The following BEND3 variants were observed in gnomAD, a reference collection of about 807,000 sequenced individuals.
BEND3 encodes BEN domain-containing protein 3.
Under a neutral mutation model 60.1 loss-of-function variants are expected in BEND3, and 13 were observed. The ratio of observed to expected loss-of-function variants is 0.22; its 90% CI spans 0.14 to 0.34. The LOEUF (loss-of-function observed/expected upper bound fraction) is 0.34, where lower values mean the gene tolerates loss of function less well. Among genes scored for constraint, BEND3 ranks in the 10% least tolerant of loss-of-function variants. The pLI, the probability that BEND3 is intolerant of heterozygous loss-of-function variation, is 1.00. For synonymous variants in BEND3, 497 were observed against 491.5 expected, an observed-to-expected ratio of 1.01 and a Z score of -0.15; for missense variants, 896 against 1,138.1, an observed-to-expected ratio of 0.79 and a Z score of 3.06.
At chr6:107,080,504 G>A (rs1381549172) in intron 3 of BEND3, among the ~76,000 whole-genome samples, 1 of 152,016 alleles carries the variant, frequency 6.6e-6, no homozygotes. Context: ...GAGGATAAGA[G>A]AATATTCACC....
At chr6:107,097,961 A>C (rs1775622622) in intron 3 of BEND3, among the ~76,000 whole-genome samples, 1 of 152,096 alleles carries the variant, frequency 6.6e-6, no homozygotes, top group South Asian at 2.1e-4. Context: ...ATAACTTCCT[A>C]ATTTGTTTGG....
In BEND3 at chr6:107,070,479, C is replaced by A. The variant is rs1301822501; in HGVS notation, c.712G>T (p.Ala238Ser). The A allele has an allele frequency of 6.2e-7, 1 of 1,614,146 alleles. No individual in the cohort carries two copies. The highest frequency in any genetic ancestry group is 1.1e-5 in the South Asian group (1 of 91,074). Residue 238 changes from alanine (A) to serine (S), a missense_variant, in exon 4 of 4, where the codon GCC (alanine) becomes TCC (serine). Physicochemically the swap from Ala to Ser is moderately conservative, Grantham distance 99 (BLOSUM62 1). Transcript: ENST00000369042. The surrounding 1 kb of genome is among the most constrained non-coding windows in gnomAD (Gnocchi z 6.9). ...KKQVSPTEMV[A>S]KFQPPPEYQL... ...TACTCAGGGGGCGGCTGGAATTTGGCCACCATCTCAGTGGGGCTCACCTGC... is the reference window on the plus strand; with the variant it reads ...TACTCAGGGGGCGGCTGGAATTTGGACACCATCTCAGTGGGGCTCACCTGC...
At chr6:107,114,877 C>T (rs1233420261) in intron 1 of BEND3, among the ~76,000 whole-genome samples, 6 of 149,244 alleles carry the variant, frequency 4.0e-5, no homozygotes, top group Non-Finnish European at 7.5e-5. Context: ...GCGGCGAGCC[C>T]GTGGGCGCCC....
At chr6:107,072,621 T>C (rs920260361) in intron 3 of BEND3, among the ~76,000 whole-genome samples, 3 of 152,164 alleles carry the variant, frequency 2.0e-5, no homozygotes, top group African/African-American at 2.4e-5. Flanking sequence ...CCAGGGGGAA[T>C]AGAAACCAAG....
At chr6:107,097,107 C>T (rs1226653711) in intron 3 of BEND3, among the ~76,000 whole-genome samples, 1 of 152,062 alleles carries the variant, frequency 6.6e-6, no homozygotes, top group Non-Finnish European at 1.5e-5. Flanking sequence ...TGGCTCACAC[C>T]TGTAATCCGA....
At chr6:107,073,888 A>G (rs1448045997) in intron 3 of BEND3, among the ~76,000 whole-genome samples, 2 of 152,128 alleles carry the variant, frequency 1.3e-5, no homozygotes, top group Admixed American at 1.3e-4. Context: ...CCTGTCTCAG[A>G]AAGAAAAAGA....
chr6:107,073,315 C>T (rs1161935517), intron 3 of BEND3, among the ~76,000 whole-genome samples: 27 of 144,412 alleles, frequency 1.9e-4, no homozygotes, highest in Non-Finnish European at 3.7e-4. Context: ...CCCCACTCCC[C>T]ACCCCTCCCC....
intron 3 of BEND3, among the ~76,000 whole-genome samples, chr6:107,084,323 T>C (rs375873533): frequency 3.9e-5 from 6 of 152,262 alleles, no homozygotes; most frequent in Non-Finnish European, 7.3e-5. Context: ...CCCCACACTT[T>C]CGTGGGTTCT....
rs1308088526 is a variant in BEND3 at position 107,115,345 on chromosome 6, C to T, written c.-267G>A. 1 of 149,098 alleles carries T rather than the reference C, an allele frequency of 6.7e-6. No homozygotes were observed. The highest frequency in any genetic ancestry group is 2.4e-5 in the African/African-American group (1 of 41,134). 9.2% of individuals were successfully genotyped at this position (149,098 alleles called of 1,614,324 possible). A position where few individuals can be genotyped will look rare whatever the true frequency, so the allele number is the denominator to read the frequency against. ...TTCCGCACAAGGACACAGGAGCCCC[C>T]GCTGCAGTGGAACCACAACCCCTCC... On this transcript the variant is annotated 5_prime_UTR_variant, in exon 1 of 4. Coordinates refer to ENST00000369042, the MANE Select transcript of BEND3 (RefSeq NM_001367314.1).
chr6:107,078,065 TG>T (rs1775136509), intron 3 of BEND3, among the ~76,000 whole-genome samples: 1 of 152,236 alleles, frequency 6.6e-6, no homozygotes, highest in South Asian at 2.1e-4. Context: ...CCACATCTGC[TG>T]TATTTGGCTA....
In BEND3 at chr6:107,099,255, C is replaced by G. The variant is rs1554236474; in HGVS notation, c.31G>C (p.Glu11Gln). The change falls in exon 2 of 4, where the codon GAA becomes CAA. Residue 11 changes from glutamate to glutamine, a missense_variant. Transcript: ENST00000369042. Reference sequence around the variant, plus strand: ...AAGGGCATTTTTTTTTTACCTTCTTCTACATCTTCGGTGAATTCAGTTGAG... The same window carrying G: ...AAGGGCATTTTTTTTTTACCTTCTTGTACATCTTCGGTGAATTCAGTTGAG... The part of the protein sequence containing the change: MNSTEFTEDV[E>Q]EVLKSITVKV... The G allele has an allele frequency of 6.2e-7, 1 of 1,609,040 alleles. No homozygotes were observed. Among genetic ancestry groups the G allele is most frequent in the Non-Finnish European group, 8.5e-7 (1 of 1,176,454 alleles).
In BEND3 at chr6:107,112,107, A is replaced by G. The variant is rs1474590298; in HGVS notation, c.-12+2983T>C. ...CGACCTTCATACTCTATGCTTCTACATTATACAATTTGAGGTCTTTAAACT... is the reference window on the plus strand; with the variant it reads ...CGACCTTCATACTCTATGCTTCTACGTTATACAATTTGAGGTCTTTAAACT... On this transcript the variant is annotated intron_variant, in intron 1 of 3. Coordinates refer to ENST00000369042, the MANE Select transcript of BEND3 (RefSeq NM_001367314.1). Among the ~76,000 whole-genome samples, 5 of 152,296 alleles carry G rather than the reference A, an allele frequency of 3.3e-5. No homozygotes were observed. The East Asian group carries it at 7.7e-4, about 23-fold the overall frequency.
At chr6:107,072,151 C>A (rs782741108) in intron 3 of BEND3, among the ~76,000 whole-genome samples, 6 of 152,266 alleles carry the variant, frequency 3.9e-5, no homozygotes, top group African/African-American at 1.4e-4. Context: ...GAGCAGGGAG[C>A]CTTTGCTCCC....
At position 107,099,236 on chromosome 6, in the gene BEND3, AT is replaced by A. The variant is rs71887608; in HGVS notation, c.37+12del. The A allele has an allele frequency of 1.9e-3, 2,809 of 1,452,106 alleles. No homozygotes were observed. The highest frequency in any genetic ancestry group is 3.4e-3 in the South Asian group (270 of 78,918). 90.0% of individuals were successfully genotyped at this position (1,452,106 alleles called of 1,614,324 possible). A position where few individuals can be genotyped will look rare whatever the true frequency, so the allele number is the denominator to read the frequency against. ...GTTAAAAACATTTTTCAAAAAGGGCATTTTTTTTTTACCTTCTTCTACATCT... is the reference window on the plus strand; with the variant it reads ...GTTAAAAACATTTTTCAAAAAGGGCATTTTTTTTTACCTTCTTCTACATCT... On this transcript the variant is annotated intron_variant, in intron 2 of 3. Coordinates refer to ENST00000369042, the MANE Select transcript of BEND3 (RefSeq NM_001367314.1).
chr6:107,084,653 C>A (rs1353036394), intron 3 of BEND3, among the ~76,000 whole-genome samples: 1 of 151,994 alleles, frequency 6.6e-6, no homozygotes, highest in Non-Finnish European at 1.5e-5. Context: ...ACTGTACACG[C>A]ACCAATCAGC....
chr6:107,071,585 C>T (rs945176380), intron 3 of BEND3, among the ~76,000 whole-genome samples: 4 of 152,252 alleles, frequency 2.6e-5, no homozygotes, highest in East Asian at 1.9e-4. Flanking sequence ...CAGAAAAAGC[C>T]GGCCCAGAAC....
At position 107,066,947 on chromosome 6, in the gene BEND3, G is replaced by A. The variant is rs1331737519; in HGVS notation, c.*1757C>T. ...CTTCAGCTTTTAGTAAGCAGTGCGT[G>A]TGTGCATGAGTAGCTGTGTAAGACA... On this transcript the variant is annotated 3_prime_UTR_variant, in exon 4 of 4. Transcript: ENST00000369042. 6.6e-6 allele frequency: 1 copy of A among 152,236 alleles called. No homozygotes were observed. The highest frequency in any genetic ancestry group is 1.5e-5 in the Non-Finnish European group (1 of 68,024). 9.4% of individuals were successfully genotyped at this position (152,236 alleles called of 1,614,324 possible). A position where few individuals can be genotyped will look rare whatever the true frequency, so the allele number is the denominator to read the frequency against.
At position 107,066,773 on chromosome 6, in the gene BEND3, T is replaced by TGTGCATGCTGTGTGC. The variant is rs1253682363; in HGVS notation, c.*1916_*1930dup. On this transcript the variant is annotated 3_prime_UTR_variant, in exon 4 of 4. Transcript: ENST00000369042. ...GCTGTCTTTGGGTAGGGTGCGTGTG[T>TGTGCATGCTGTGTGC]GTGCATGCTGTGTGCATGTGCTGGA... 3 of 152,576 alleles carry TGTGCATGCTGTGTGC rather than the reference T, an allele frequency of 2.0e-5. No homozygotes were observed. Among genetic ancestry groups the TGTGCATGCTGTGTGC allele is most frequent in the African/African-American group, 7.2e-5 (3 of 41,424 alleles). 9.5% of individuals were successfully genotyped at this position (152,576 alleles called of 1,614,324 possible).
intron 3 of BEND3, among the ~76,000 whole-genome samples, chr6:107,080,411 A>G (rs1775208002): frequency 6.6e-6 from 1 of 151,850 alleles, no homozygotes; most frequent in African/African-American, 2.4e-5. Context: ...AGAAAAGAAA[A>G]GAAAAAGAAG....
Sources: allele counts gnomAD v4.1 joint callset (sites outside exome capture counted in the v4.1 genomes callset), GRCh38; gene constraint gnomAD v4.1.1; non-coding constraint Gnocchi (gnomAD v3.1); transcripts MANE v1.5; gene names NCBI Gene and HGNC (gene_info 2026-07-23, HGNC 2026-07-21).